ADGRV1: variants seen among roughly 807,000 people sequenced by gnomAD.
The protein encoded by ADGRV1 is G-protein coupled receptor 98.
Under a neutral mutation model 596.2 loss-of-function variants are expected in ADGRV1, and 359 were observed. That is an observed-to-expected ratio of 0.60 (90% confidence interval 0.55 to 0.66). The LOEUF is 0.66. Among genes scored for constraint, ADGRV1 ranks in the 30% least tolerant of loss-of-function variants. ADGRV1 has a pLI of 0.00. For synonymous variants in ADGRV1, 2,681 were observed against 2,679.2 expected, an observed-to-expected ratio of 1.00 and a Z score of -0.02; for missense variants, 7,274 against 7,575.6, an observed-to-expected ratio of 0.96 and a Z score of 1.48.
At chr5:90,579,615 A>G (rs1018537458) in intron 1 of ADGRV1, among the ~76,000 whole-genome samples, 5 of 152,134 alleles carry the variant, frequency 3.3e-5, no homozygotes, top group African/African-American at 1.2e-4. Context: ...GTAGATGTCT[A>G]TTAGGTCCAC....
chr5:90,812,459 A>C (rs1050538749), intron 74 of ADGRV1, among the ~76,000 whole-genome samples: 1 of 152,320 alleles, frequency 6.6e-6, no homozygotes, highest in East Asian at 1.9e-4. Flanking sequence ...TACCTCAAGT[A>C]CTTAACTTTT....
intron 85 of ADGRV1, among the ~76,000 whole-genome samples, chr5:91,061,484 A>G (rs10942624): frequency 0.59 from 89,430 of 152,034 alleles, 27,018 homozygotes; most frequent in South Asian, 0.68. Flanking sequence ...GATGTGGGCA[A>G]TTCTTCCTTA....
In ADGRV1 at chr5:90,637,732, T is replaced by G; in HGVS notation, c.2024T>G (p.Ile675Ser). ...PEDFAAEVVY[I>S]PLHRDGTDGQ... ...TTCTTTTCTTTTTATAAGGTATACA[T>G]TCCCTTACATCGGGATGGAACTGAT... is the stretch of plus-strand genomic sequence containing the variant. Residue 675 changes from isoleucine to serine, a missense_variant, in exon 11 of 90, where the codon ATT becomes AGT. Ile to Ser is a moderately radical substitution (Grantham distance 142). Coordinates refer to ENST00000405460, the MANE Select transcript of ADGRV1 (RefSeq NM_032119.4). 6.2e-7 allele frequency: 1 copy of G among 1,605,632 alleles called. No homozygotes were observed. The highest frequency in any genetic ancestry group is 1.7e-4 in the Middle Eastern group (1 of 6,016).
intron 83 of ADGRV1, among the ~76,000 whole-genome samples, chr5:90,907,814 G>A (rs577244220): frequency 3.3e-5 from 5 of 152,106 alleles, no homozygotes; most frequent in South Asian, 2.1e-4. Flanking sequence ...CTAGGTGTTC[G>A]ATGGTAGGCA....
At chr5:90,645,404 G>A (rs1044045579) in intron 15 of ADGRV1, among the ~76,000 whole-genome samples, 2 of 152,126 alleles carry the variant, frequency 1.3e-5, no homozygotes, top group Non-Finnish European at 2.9e-5. Context: ...TAGGGGGAGG[G>A]GAGCACCAGT....
Position 91,024,327 on chromosome 5 carries a change from A to T in ADGRV1, c.18152+38805A>T, listed in dbSNP as rs894533213. 3.9e-5 allele frequency among the ~76,000 whole-genome samples: 6 copies of T among 152,176 alleles called. No individual in the cohort carries two copies. In the South Asian group the frequency reaches 1.2e-3, roughly 32 times the overall value. On this transcript the variant is annotated intron_variant, in intron 85 of 89. Transcript: ENST00000405460. ...ATGTTAATAATATCCTGTTTTAGAAACACAAGCAGCCTCTGTATGCCTGAA... is the reference window on the plus strand; with the variant it reads ...ATGTTAATAATATCCTGTTTTAGAATCACAAGCAGCCTCTGTATGCCTGAA...
At chr5:90,829,894 T>A (rs917512794) in intron 77 of ADGRV1, among the ~76,000 whole-genome samples, 8 of 152,250 alleles carry the variant, frequency 5.3e-5, no homozygotes, top group African/African-American at 1.9e-4. Context: ...CCTCTCTTTG[T>A]TCCCCTTACT....
intron 1 of ADGRV1, among the ~76,000 whole-genome samples, chr5:90,600,754 T>C (rs1174752437): frequency 6.6e-6 from 1 of 152,178 alleles, no homozygotes; most frequent in Non-Finnish European, 1.5e-5. Flanking sequence ...TAATAAAATG[T>C]TTATTTTTCT....
intron 83 of ADGRV1, among the ~76,000 whole-genome samples, chr5:90,892,538 A>AT (rs990279537): frequency 6.6e-6 from 1 of 152,120 alleles, no homozygotes; most frequent in Non-Finnish European, 1.5e-5. Context: ...ATACTCATTT[A>AT]AAGTGTACAA....
chr5:90,953,161 G>C (rs151233058), intron 83 of ADGRV1, among the ~76,000 whole-genome samples: 145 of 152,200 alleles, frequency 9.5e-4, no homozygotes, highest in South Asian at 7.7e-3. Flanking sequence ...AGAAGTTTTC[G>C]TAAAGCAGCA....
At position 90,810,572 on chromosome 5, in the gene ADGRV1, G is replaced by A; in HGVS notation, c.15312G>A (p.Lys5104=). Residue 5104 remains lysine, a synonymous_variant, in exon 74 of 90, where the codon AAG becomes AAA. Coordinates refer to ENST00000405460, the MANE Select transcript of ADGRV1 (RefSeq NM_032119.4). ...LTSVEIRGLQ[K]FDVNWSPRLN... ...CAGTAGAAATTAGGGGATTACAAAA[G>A]TTTGATGTTAATTGGAGCCCACGCC... 3.7e-6 allele frequency: 6 copies of A among 1,613,952 alleles called. No individual in the cohort carries two copies. The highest frequency in any genetic ancestry group is 5.1e-6 in the Non-Finnish European group (6 of 1,179,878).
intron 86 of ADGRV1, among the ~76,000 whole-genome samples, chr5:91,078,318 G>A (rs891043457): frequency 4.6e-5 from 7 of 152,034 alleles, no homozygotes; most frequent in African/African-American, 1.5e-4. Context: ...TTCAAATAGA[G>A]CAAAGGAAAT....
At chr5:91,124,514 T>C (rs1388094968) in intron 87 of ADGRV1, among the ~76,000 whole-genome samples, 1 of 152,214 alleles carries the variant, frequency 6.6e-6, no homozygotes, top group Non-Finnish European at 1.5e-5. Context: ...AATGTAGTTG[T>C]ACTGTGAGCA....
intron 85 of ADGRV1, among the ~76,000 whole-genome samples, chr5:91,061,947 A>T (rs1336100334): frequency 2.0e-5 from 3 of 152,162 alleles, no homozygotes; most frequent in Non-Finnish European, 4.4e-5. Flanking sequence ...GTTGCAGGTA[A>T]ATCCACAAGA....
chr5:91,036,947 A>G (rs752522003), intron 85 of ADGRV1, among the ~76,000 whole-genome samples: 8 of 152,202 alleles, frequency 5.3e-5, no homozygotes, highest in Non-Finnish European at 7.3e-5. Flanking sequence ...AGGGACTCTG[A>G]TGGATCTGAA....
At chr5:90,781,288 G>A (rs537383757) in intron 64 of ADGRV1, 142 bp from the exon 65 acceptor site, 39 of 713,984 alleles carry the variant, frequency 5.5e-5, no homozygotes, top group African/African-American at 2.0e-4. Flanking sequence ...ATATTTTAGC[G>A]TTGAGGATCT....
chr5:90,692,666 C>T lies in ADGRV1; in HGVS notation c.7013C>T (p.Ala2338Val). The T allele has an allele frequency of 6.2e-7, 1 of 1,611,142 alleles. No homozygotes were observed. The highest frequency in any genetic ancestry group is 8.5e-7 in the Non-Finnish European group (1 of 1,178,640). Residue 2338 changes from alanine (A) to valine (V), a missense_variant, in exon 32 of 90, where the codon GCA becomes GTA. By Grantham distance (64) the Ala-to-Val change is moderately conservative (BLOSUM62 0). This residue lies in a region of ADGRV1 where 3,643 missense variants were observed against 3,809.2 expected (regional missense o/e 0.96). Coordinates refer to ENST00000405460, the MANE Select transcript of ADGRV1 (RefSeq NM_032119.4). Reference protein sequence around the residue: ...GGGTIGLDRIANIIIPANDDP... With the variant: ...GGGTIGLDRIVNIIIPANDDP... ...GGTACTATTGGGTTAGATCGAATTG[C>T]AAATATTATTATTCCTGCCAATGAT...
At chr5:91,004,921 G>A (rs1253679830) in intron 85 of ADGRV1, among the ~76,000 whole-genome samples, 1 of 152,092 alleles carries the variant, frequency 6.6e-6, no homozygotes, top group South Asian at 2.1e-4. Context: ...CTGGAGAATC[G>A]ACTGGGAGAG....
intron 86 of ADGRV1, among the ~76,000 whole-genome samples, chr5:91,091,375 T>C (rs1427331931): frequency 6.6e-6 from 1 of 152,212 alleles, no homozygotes; most frequent in Non-Finnish European, 1.5e-5. Context: ...TTACAATTTC[T>C]TGTCAATTTT....
Sources: allele counts gnomAD v4.1 joint callset (sites outside exome capture counted in the v4.1 genomes callset), GRCh38; gene constraint gnomAD v4.1.1; regional missense constraint gnomAD v4.1.1; transcripts MANE v1.5; gene names NCBI Gene and HGNC (gene_info 2026-07-23, HGNC 2026-07-21).